Variants in LPP observed in about 807,000 individuals in gnomAD.
The protein encoded by LPP is LIM domain containing preferred translocation partner in lipoma, also known as lipoma-preferred partner.
Under a neutral mutation model 60.4 loss-of-function variants are expected in LPP, and 38 were observed. That is an observed-to-expected ratio of 0.63 (90% CI 0.49 to 0.83). The LOEUF (loss-of-function observed/expected upper bound fraction) is 0.83. Among genes scored for constraint, LPP ranks in the 40% least tolerant of loss-of-function variants. The probability of loss-of-function intolerance (pLI) is 0.00; values close to 1 mark genes in which losing one functional copy is unlikely to be tolerated. For missense variants in LPP, 902 were observed against 783.6 expected, an observed-to-expected ratio of 1.15 and a Z score of -1.80; for synonymous variants, 328 against 290.8, an observed-to-expected ratio of 1.13 and a Z score of -1.30.
At chr3:188,535,345 A>G (rs1487853077) in intron 6 of LPP, among the ~76,000 whole-genome samples, 1 of 152,216 alleles carries the variant, frequency 6.6e-6, no homozygotes, top group Non-Finnish European at 1.5e-5. Flanking sequence ...CGGTTTGCAT[A>G]ACAAAGAAAT....
chr3:188,828,309 G>A (rs898100901), intron 9 of LPP, among the ~76,000 whole-genome samples: 4 of 151,858 alleles, frequency 2.6e-5, no homozygotes, highest in African/African-American at 9.7e-5. Context: ...AGCCTGAGCT[G>A]GAATTAGAAC....
chr3:188,780,099 T>C (rs1373271758), intron 9 of LPP, among the ~76,000 whole-genome samples: 1 of 152,166 alleles, frequency 6.6e-6, no homozygotes, highest in Non-Finnish European at 1.5e-5. Flanking sequence ...TCAGTTAGCT[T>C]CCTGCCACTT....
At chr3:188,422,998 G>A (rs1412927659) in intron 4 of LPP, among the ~76,000 whole-genome samples, 2 of 150,782 alleles carry the variant, frequency 1.3e-5, no homozygotes, top group African/African-American at 2.4e-5. Flanking sequence ...TGTGCAGAAC[G>A]TGCAGGTTTG....
At chr3:188,776,477 G>A (rs759243788) in intron 9 of LPP, among the ~76,000 whole-genome samples, 2 of 136,462 alleles carry the variant, frequency 1.5e-5, no homozygotes, top group Non-Finnish European at 3.4e-5. Flanking sequence ...ATTTGGGGCT[G>A]GGAGAGGTAA....
intron 6 of LPP, among the ~76,000 whole-genome samples, chr3:188,599,122 G>T (rs1352034117): frequency 6.6e-6 from 1 of 152,092 alleles, no homozygotes; most frequent in Non-Finnish European, 1.5e-5. Flanking sequence ...AGAACTGAGT[G>T]TACTGTATGG....
At chr3:188,523,879 A>G (rs925420237) in intron 5 of LPP, among the ~76,000 whole-genome samples, 4 of 117,158 alleles carry the variant, frequency 3.4e-5, no homozygotes, top group Non-Finnish European at 7.5e-5. Flanking sequence ...GCCTCCAAAT[A>G]CTAGGGTCAT....
At chr3:188,432,178 G>A (rs538737622) in intron 4 of LPP, among the ~76,000 whole-genome samples, 1 of 152,152 alleles carries the variant, frequency 6.6e-6, no homozygotes, top group Admixed American at 6.6e-5. Flanking sequence ...GTTGCCCAAG[G>A]CATCATGACT....
chr3:188,482,058 T>C (rs1290357433), intron 4 of LPP, among the ~76,000 whole-genome samples: 2 of 152,188 alleles, frequency 1.3e-5, no homozygotes, highest in Admixed American at 6.5e-5. Flanking sequence ...GAGTGTGTTC[T>C]CACAAGATCT....
Position 188,352,662 on chromosome 3 carries a change from G to A in LPP, c.-10+10943G>A, listed in dbSNP as rs1400427115. 6.6e-6 allele frequency among the ~76,000 whole-genome samples: 1 copy of A among 151,454 alleles called. No individual in the cohort carries two copies. Among genetic ancestry groups the A allele is most frequent in the African/African-American group, 2.4e-5 (1 of 41,126 alleles). The stretch of plus-strand genomic sequence containing the variant: ...AGAGTGCATAGAGAGAAGGCTGGGA[G>A]AGGAGGTCAGGTCTTGTTTCCCTGC... On this transcript the variant is annotated intron_variant, in intron 3 of 11. Coordinates refer to ENST00000617246, the MANE Select transcript of LPP (RefSeq NM_001375462.1). This position sits in a 1 kb window ranked among gnomAD's most constrained non-coding sequence, Gnocchi z 4.4.
intron 7 of LPP, among the ~76,000 whole-genome samples, chr3:188,694,172 C>T (rs372526905): frequency 1.1e-4 from 16 of 152,252 alleles, no homozygotes; most frequent in African/African-American, 2.6e-4. Context: ...GGTAAGAACC[C>T]GGCAGAAAAT....
chr3:188,626,547 A>G (rs548290253), intron 7 of LPP, among the ~76,000 whole-genome samples: 64 of 152,228 alleles, frequency 4.2e-4, no homozygotes, highest in African/African-American at 1.5e-3. Flanking sequence ...TCTGAGATCA[A>G]GGTACTCACA....
At chr3:188,384,644 G>A (rs187776238) in intron 3 of LPP, among the ~76,000 whole-genome samples, 3 of 152,068 alleles carry the variant, frequency 2.0e-5, no homozygotes, top group Non-Finnish European at 2.9e-5. Context: ...TCAAAAATCA[G>A]TCAGGCATGG....
intron 9 of LPP, among the ~76,000 whole-genome samples, chr3:188,792,856 G>A (rs1216823156): frequency 6.6e-6 from 1 of 152,152 alleles, no homozygotes; most frequent in African/African-American, 2.4e-5. Context: ...CAGCTGTATG[G>A]AGAGTATGAG....
In LPP at chr3:188,325,678, C is replaced by CACTG. The variant is rs1485236954; in HGVS notation, c.-66-15984_-66-15981dup. On this transcript the variant is annotated intron_variant, in intron 2 of 11. Coordinates refer to ENST00000617246, the MANE Select transcript of LPP (RefSeq NM_001375462.1). ...GTGAGTGTTTGCTATAGGCTAGGCACACTGTATGGTAAATTAAATAATTTA... is the reference window on the plus strand; with the variant it reads ...GTGAGTGTTTGCTATAGGCTAGGCACACTGACTGTATGGTAAATTAAATAATTTA... Among the ~76,000 whole-genome samples, 107 of 152,264 alleles carry CACTG rather than the reference C, an allele frequency of 7.0e-4. 1 individual carries two copies. Among genetic ancestry groups the CACTG allele is most frequent in the African/African-American group, 2.4e-3 (101 of 41,542 alleles).
At chr3:188,805,522 T>C (rs1748843869) in intron 9 of LPP, among the ~76,000 whole-genome samples, 1 of 137,764 alleles carries the variant, frequency 7.3e-6, no homozygotes, top group Non-Finnish European at 1.5e-5. Context: ...GAGTTTGTTG[T>C]GATTTTTTTT....
chr3:188,757,904 T>G (rs199817450), intron 8 of LPP, among the ~76,000 whole-genome samples: 1 of 122,070 alleles, frequency 8.2e-6, no homozygotes, highest in African/African-American at 3.3e-5. Context: ...TTTTTTTTTT[T>G]TTTTTCAGAA....
chr3:188,800,598 T>A (rs1415930023), intron 9 of LPP, among the ~76,000 whole-genome samples: 1 of 152,184 alleles, frequency 6.6e-6, no homozygotes, highest in African/African-American at 2.4e-5. Context: ...CAAAAGTGTA[T>A]GTATGTTTCC....
chr3:188,647,563 C>T (rs1580676438), intron 7 of LPP, among the ~76,000 whole-genome samples: 1 of 152,078 alleles, frequency 6.6e-6, no homozygotes. Flanking sequence ...CCTATGGTCC[C>T]CTTTGTGTAC....
At chr3:188,669,361 A>T (rs535689439) in intron 7 of LPP, among the ~76,000 whole-genome samples, 1 of 152,024 alleles carries the variant, frequency 6.6e-6, no homozygotes, top group Non-Finnish European at 1.5e-5. Flanking sequence ...CGGATCACGA[A>T]GTCAGGAGAT....
Sources: gnomAD v4.1 joint callset for allele counts (sites outside exome capture counted in the v4.1 genomes callset) on GRCh38, gnomAD v4.1.1 for gene constraint, Gnocchi (gnomAD v3.1) non-coding constraint, MANE v1.5 for transcripts, NCBI Gene and HGNC (gene_info 2026-07-23, HGNC 2026-07-21) for gene names.